IER3IP1: variants seen among roughly 807,000 people sequenced by gnomAD.
IER3IP1 encodes immediate early response 3 interacting protein 1.
Under a neutral mutation model 12.2 loss-of-function variants are expected in IER3IP1, and 16 were observed. That is an observed-to-expected ratio of 1.31 (90% CI 0.89 to 1.99). IER3IP1 has a LOEUF of 1.99. Among genes scored for constraint, IER3IP1 ranks in the 30% most tolerant of loss-of-function variants. The pLI, the probability that IER3IP1 is intolerant of heterozygous loss-of-function variation, is 0.00. For synonymous variants in IER3IP1, 42 were observed against 40.0 expected (o/e 1.05, Z -0.19); for missense variants, 95 against 95.8 (o/e 0.99, Z 0.03).
At chr18:47,160,512 C>T (rs1005873105) in intron 1 of IER3IP1, among the ~76,000 whole-genome samples, 3 of 152,198 alleles carry the variant, frequency 2.0e-5, no homozygotes, top group African/African-American at 7.2e-5. Context: ...TTCACCACTG[C>T]AGCATCTGGT....
chr18:47,159,378 T>C (rs775600241), intron 1 of IER3IP1, among the ~76,000 whole-genome samples: 30 of 152,346 alleles, frequency 2.0e-4, no homozygotes, highest in Non-Finnish European at 4.0e-4. Context: ...CCTTTCTTTA[T>C]TTACTGAGGA....
At chr18:47,162,437 CAAG>C (rs976182388) in intron 1 of IER3IP1, among the ~76,000 whole-genome samples, 5 of 152,000 alleles carry the variant, frequency 3.3e-5, no homozygotes, top group African/African-American at 9.7e-5. Flanking sequence ...AGAGAAGATG[CAAG>C]AAGTAGAAAA....
intron 1 of IER3IP1, among the ~76,000 whole-genome samples, chr18:47,159,004 CAT>C (rs1248758753): frequency 6.6e-6 from 1 of 151,056 alleles, no homozygotes; most frequent in Non-Finnish European, 1.5e-5. Flanking sequence ...ATTTGAGAAA[CAT>C]AAAAACACAA....
chr18:47,160,766 T>C (rs2063977506), intron 1 of IER3IP1, among the ~76,000 whole-genome samples: 1 of 152,226 alleles, frequency 6.6e-6, no homozygotes, highest in Non-Finnish European at 1.5e-5. Context: ...AAACCTGTAA[T>C]AGCTTGGTTA....
At chr18:47,157,287 A>C (rs1373588967) in intron 2 of IER3IP1, 149 bp downstream of exon 2, 4 of 660,254 alleles carry the variant, frequency 6.1e-6, no homozygotes, top group South Asian at 1.8e-5. Context: ...AAAAAAAAAA[A>C]AACCCAGTAA....
intron 1 of IER3IP1, among the ~76,000 whole-genome samples, chr18:47,170,059 T>C (rs1468274062): frequency 6.6e-6 from 1 of 152,208 alleles, no homozygotes; most frequent in African/African-American, 2.4e-5. Flanking sequence ...GTATAGCTTT[T>C]TATCTTACAG....
rs780790399 is a variant in IER3IP1 at position 47,156,151 on chromosome 18, T to C, written c.*26A>G. 8 of 1,393,382 alleles carry C rather than the reference T, an allele frequency of 5.7e-6. No homozygotes were observed. The highest frequency in any genetic ancestry group is 7.1e-6 in the Non-Finnish European group (7 of 979,404). 86.3% of individuals were successfully genotyped at this position (1,393,382 alleles called of 1,614,324 possible). Reference sequence around the variant, plus strand: ...TAACTTCTACTGGCATGTCCTCTTCTGAGTCTCCATTTTCTCCACTGATAT... The same window carrying C: ...TAACTTCTACTGGCATGTCCTCTTCCGAGTCTCCATTTTCTCCACTGATAT... On this transcript the variant is annotated 3_prime_UTR_variant, in exon 3 of 3. Transcript: ENST00000256433.
chr18:47,167,158 C>T (rs569537081), intron 1 of IER3IP1, among the ~76,000 whole-genome samples: 1 of 152,118 alleles, frequency 6.6e-6, no homozygotes, highest in East Asian at 1.9e-4. Context: ...TCAAGCCATT[C>T]TCTTGCCTCA....
intron 1 of IER3IP1, among the ~76,000 whole-genome samples, chr18:47,168,146 AAAAAAAAAAT>A (rs1323414751): frequency 1.4e-5 from 2 of 144,186 alleles, no homozygotes; most frequent in Admixed American, 7.0e-5. Context: ...AAAAAAAAAA[AAAAAAAAAAT>A]TTTAGCTAGG....
intron 1 of IER3IP1, among the ~76,000 whole-genome samples, chr18:47,158,587 CCA>C (rs1157424870): frequency 2.6e-5 from 4 of 151,814 alleles, no homozygotes; most frequent in African/African-American, 9.7e-5. Context: ...AGCGATCGAC[CCA>C]CTTTGGCCTC....
At chr18:47,173,823 T>C (rs1441502576) in intron 1 of IER3IP1, among the ~76,000 whole-genome samples, 1 of 152,212 alleles carries the variant, frequency 6.6e-6, no homozygotes, top group Non-Finnish European at 1.5e-5. Flanking sequence ...GCCTCTCTCT[T>C]AACATCCAGT....
chr18:47,157,743 A>T (rs2063966208), intron 1 of IER3IP1, among the ~76,000 whole-genome samples: 1 of 152,252 alleles, frequency 6.6e-6, no homozygotes, highest in Non-Finnish European at 1.5e-5. Context: ...CACTACATTT[A>T]CACTGATTTT....
At chr18:47,157,286 AAAAC>A in intron 2 of IER3IP1, 146 bp downstream of exon 2, 1 of 658,382 alleles carries the variant, frequency 1.5e-6, no homozygotes, top group South Asian at 1.9e-5. Flanking sequence ...AAAAAAAAAA[AAAAC>A]CCAGTAACTT....
At chr18:47,170,701 A>G (rs1045291009) in intron 1 of IER3IP1, among the ~76,000 whole-genome samples, 3 of 152,126 alleles carry the variant, frequency 2.0e-5, no homozygotes, top group African/African-American at 7.2e-5. Flanking sequence ...CATTGTGCAC[A>G]GAAAAACAAA....
At position 47,172,328 on chromosome 18, in the gene IER3IP1, T is replaced by G. The variant is rs1384910008; in HGVS notation, c.91+3859A>C. 6.6e-6 allele frequency among the ~76,000 whole-genome samples: 1 copy of G among 152,182 alleles called. No homozygotes were observed. Among genetic ancestry groups the G allele is most frequent in the Non-Finnish European group, 1.5e-5 (1 of 68,026 alleles). On this transcript the variant is annotated intron_variant, in intron 1 of 2. Coordinates refer to ENST00000256433, the MANE Select transcript of IER3IP1 (RefSeq NM_016097.5). This position sits in a 1 kb window ranked among gnomAD's most constrained non-coding sequence, Gnocchi z 4.0. ...TTGGATAATATTACTGTCTCCATTTTATAACTTTCTACTCACTTCCCAATC... is the reference window on the plus strand; with the variant it reads ...TTGGATAATATTACTGTCTCCATTTGATAACTTTCTACTCACTTCCCAATC...
chr18:47,153,521 G>C lies in IER3IP1; in HGVS notation c.*2656C>G, dbSNP rs2063948118. 6.6e-6 allele frequency: 1 copy of C among 152,096 alleles called. No individual in the cohort carries two copies. The highest frequency in any genetic ancestry group is 1.5e-5 in the Non-Finnish European group (1 of 68,008). 9.4% of individuals were successfully genotyped at this position (152,096 alleles called of 1,614,324 possible). A position where few individuals can be genotyped will look rare whatever the true frequency, so the allele number is the denominator to read the frequency against. On this transcript the variant is annotated 3_prime_UTR_variant, in exon 3 of 3. Transcript: ENST00000256433. Reference sequence around the variant, plus strand: ...ATCCAGGTGCTAAGCCTAGTACCCAGTAATTTTTCTGGCACTCTTTCTCAC... The same window carrying C: ...ATCCAGGTGCTAAGCCTAGTACCCACTAATTTTTCTGGCACTCTTTCTCAC...
chr18:47,168,212 G>A (rs2932127), intron 1 of IER3IP1, among the ~76,000 whole-genome samples: 2 of 137,898 alleles, frequency 1.5e-5, no homozygotes, highest in East Asian at 4.4e-4. Flanking sequence ...GGCTGAGGCA[G>A]AATTGCTTGA....
rs1415050863 is a variant in IER3IP1, at chr18:47,153,464, T to C, written c.*2713A>G. The C allele has an allele frequency of 1.3e-5, 2 of 151,954 alleles. No homozygotes were observed. The highest frequency in any genetic ancestry group is 4.8e-5 in the African/African-American group (2 of 41,348). The allele number at this position is 151,954 out of a possible 1,614,324, so 9.4% of individuals were successfully genotyped here. ...TACATTTGTTAAATAGGTAAACTTG[T>C]GTCACGGGGGTTTGGCACAGATTAT... On this transcript the variant is annotated 3_prime_UTR_variant, in exon 3 of 3. Transcript: ENST00000256433.
At chr18:47,158,758 C>T (rs917155324) in intron 1 of IER3IP1, among the ~76,000 whole-genome samples, 1 of 151,644 alleles carries the variant, frequency 6.6e-6, no homozygotes, top group Non-Finnish European at 1.5e-5. Context: ...CCCAGGAGTT[C>T]GAGACCAGCC....
Sources: allele counts gnomAD v4.1 joint callset (sites outside exome capture counted in the v4.1 genomes callset), GRCh38; gene constraint gnomAD v4.1.1; non-coding constraint Gnocchi (gnomAD v3.1); transcripts MANE v1.5; gene names NCBI Gene and HGNC (gene_info 2026-07-23, HGNC 2026-07-21).